CEACAM21: variants seen among roughly 807,000 people sequenced by gnomAD.
CEACAM21 encodes the protein cell adhesion molecule CEACAM21.
In CEACAM21, 38 loss-of-function variants were observed where a neutral mutation model predicts 33.2. That is an observed-to-expected ratio of 1.14 (90% CI 0.88 to 1.50). The LOEUF (loss-of-function observed/expected upper bound fraction) is 1.50, where lower values mean the gene tolerates loss of function less well. Among genes scored for constraint, CEACAM21 ranks in the 40% most tolerant of loss-of-function variants. The pLI is 0.00. For synonymous variants in CEACAM21, 156 were observed against 143.0 expected (o/e 1.09, Z -0.65); for missense variants, 385 against 364.6 (o/e 1.06, Z -0.46).
At chr19:41,569,121 C>A (rs910875416) in intron 2 of CEACAM21, among the ~76,000 whole-genome samples, 1 of 151,784 alleles carries the variant, frequency 6.6e-6, no homozygotes, top group African/African-American at 2.4e-5. Context: ...TCAGATAATT[C>A]ATTATTGGCT....
At chr19:41,566,207 TG>T (rs1391488025) in intron 2 of CEACAM21, among the ~76,000 whole-genome samples, 2 of 152,210 alleles carry the variant, frequency 1.3e-5, no homozygotes, top group African/African-American at 2.4e-5. Context: ...TGCAAATATT[TG>T]TTTAGTATTG....
intron 2 of CEACAM21, among the ~76,000 whole-genome samples, chr19:41,567,542 C>T (rs1429300995): frequency 2.0e-5 from 3 of 152,190 alleles, no homozygotes; most frequent in African/African-American, 7.2e-5. Flanking sequence ...AGGGTGCCCC[C>T]TTTTCAAGCC....
chr19:41,557,294 C>G (rs1359085750), intron 1 of CEACAM21, among the ~76,000 whole-genome samples: 1 of 152,274 alleles, frequency 6.6e-6, no homozygotes, highest in Admixed American at 6.5e-5. Context: ...CCTCCAGTCA[C>G]AGACCCGTTA....
At chr19:41,583,266 G>A (rs938207624) in intron 3 of CEACAM21, among the ~76,000 whole-genome samples, 3 of 152,054 alleles carry the variant, frequency 2.0e-5, no homozygotes, top group Non-Finnish European at 4.4e-5. Context: ...ATCTCTGTCT[G>A]AGACCACCTC....
At chr19:41,585,385 A>G (rs1484447066) in intron 4 of CEACAM21, 58 bp from the exon 5 acceptor site, 3 of 1,580,270 alleles carry the variant, frequency 1.9e-6, no homozygotes, top group Non-Finnish European at 1.7e-6. Flanking sequence ...CCCCTATTTT[A>G]ACTCCAATTT....
intron 1 of CEACAM21, among the ~76,000 whole-genome samples, chr19:41,560,583 C>T (rs868958418): frequency 6.6e-6 from 1 of 152,236 alleles, no homozygotes; most frequent in South Asian, 2.1e-4. Flanking sequence ...ACAAAAAATC[C>T]TAAAAGAAAA....
At chr19:41,573,417 G>A (rs1555790016), upstream of CEACAM21, among the ~76,000 whole-genome samples, 2 of 152,112 alleles carry the variant, frequency 1.3e-5, no homozygotes, top group African/African-American at 4.8e-5. Flanking sequence ...CCTGACTCAA[G>A]GCCCAGCTAC....
intron 4 of CEACAM21, among the ~76,000 whole-genome samples, 184 bp downstream of exon 4, chr19:41,584,627 C>A (rs2070581777): frequency 6.6e-6 from 1 of 152,190 alleles, no homozygotes; most frequent in Non-Finnish European, 1.5e-5. Flanking sequence ...TCCTCAACAG[C>A]TTTGTCCTCA....
intron 6 of CEACAM21, 150 bp downstream of exon 6, chr19:41,586,021 G>T: frequency 1.3e-6 from 1 of 796,618 alleles, no homozygotes; most frequent in Non-Finnish European, 2.1e-6. Flanking sequence ...CTGGGCCTCT[G>T]TTCAGGGCCA....
At chr19:41,582,160 C>T (rs538932775) in intron 3 of CEACAM21, among the ~76,000 whole-genome samples, 1 of 152,356 alleles carries the variant, frequency 6.6e-6, no homozygotes, top group East Asian at 1.9e-4. Context: ...GCCCAAAATC[C>T]AGCAGGGCAG....
intron 2 of CEACAM21, among the ~76,000 whole-genome samples, chr19:41,566,248 C>G (rs2042259197): frequency 6.6e-6 from 1 of 152,178 alleles, no homozygotes; most frequent in South Asian, 2.1e-4. Context: ...TTACAGAATA[C>G]GTTACTTATG....
rs781995214 is a variant in CEACAM21, at chr19:41,586,469, G to A, written c.*6G>A. The stretch of plus-strand genomic sequence containing the variant: ...CCTCTTCTCTGTTTTTACAGGAATT[G>A]CTACACTCTGACACAAACATTTACT... On this transcript the variant is annotated 3_prime_UTR_variant, in exon 7 of 7. Coordinates refer to ENST00000401445, the MANE Select transcript of CEACAM21 (RefSeq NM_001098506.4). The A allele has an allele frequency of 1.6e-6, 1 of 634,140 alleles. No homozygotes were observed. Among genetic ancestry groups the A allele is most frequent in the South Asian group, 1.4e-5 (1 of 73,394 alleles). 39.3% of individuals were successfully genotyped at this position (634,140 alleles called of 1,614,324 possible). A position where few individuals can be genotyped will look rare whatever the true frequency, so the allele number is the denominator to read the frequency against.
intron 3 of CEACAM21, among the ~76,000 whole-genome samples, chr19:41,582,446 G>A (rs2043473579): frequency 6.6e-6 from 1 of 152,216 alleles, no homozygotes; most frequent in Non-Finnish European, 1.5e-5. Context: ...TAGGGACTCT[G>A]TGTCGGGGTT....
intron 3 of CEACAM21, among the ~76,000 whole-genome samples, chr19:41,583,053 A>G (rs781807015): frequency 1.3e-5 from 2 of 152,210 alleles, no homozygotes; most frequent in Non-Finnish European, 2.9e-5. Flanking sequence ...CTTTGTAAAT[A>G]CATAAAACTG....
upstream of CEACAM21, among the ~76,000 whole-genome samples, chr19:41,574,923 A>G (rs1555790492): frequency 6.6e-6 from 1 of 152,228 alleles, no homozygotes; most frequent in African/African-American, 2.4e-5. Flanking sequence ...AATAGCAAAA[A>G]TGTGGAAACC....
chr19:41,569,732 G>A (rs1446924593), intron 2 of CEACAM21, among the ~76,000 whole-genome samples: 4 of 152,208 alleles, frequency 2.6e-5, no homozygotes, highest in Admixed American at 6.5e-5. Context: ...TGCCCCTAAC[G>A]GGTGGGACTG....
At chr19:41,565,007 A>C (rs1555787958) in exon 2 of CEACAM21, 2 of 152,402 alleles carry the variant, frequency 1.3e-5, no homozygotes, top group African/African-American at 4.8e-5. Flanking sequence ...CCGCGCGCCC[A>C]CTGGAGCCGA....
intron 1 of CEACAM21, chr19:41,552,128 A>G (rs1311042205): frequency 1.3e-5 from 2 of 152,160 alleles, no homozygotes; most frequent in East Asian, 3.9e-4. Flanking sequence ...GTGTGCATTT[A>G]TCTAAAGATA....
chr19:41,564,986 G>A (rs2042153928), exon 2 of CEACAM21: 1 of 152,494 alleles, frequency 6.6e-6, no homozygotes, highest in African/African-American at 2.4e-5. Flanking sequence ...CAGGAACTGA[G>A]GAGGAGAGGC....
Sources: allele counts gnomAD v4.1 joint callset (sites outside exome capture counted in the v4.1 genomes callset), GRCh38; gene constraint gnomAD v4.1.1; transcripts MANE v1.5; gene names NCBI Gene and HGNC (gene_info 2026-07-23, HGNC 2026-07-21).